Variants in PCDHGA1 observed in about 807,000 individuals in gnomAD.
PCDHGA1 encodes the protein protocadherin gamma-A1.
Under a neutral mutation model 58.0 loss-of-function variants are expected in PCDHGA1, and 32 were observed. The ratio of observed to expected loss-of-function variants is 0.55; its 90% CI spans 0.42 to 0.74. The LOEUF (loss-of-function observed/expected upper bound fraction) is 0.74, where lower values mean the gene tolerates loss of function less well. PCDHGA1 is among the 30% of genes least tolerant of loss of function. The pLI is 0.00. For synonymous variants in PCDHGA1, 498 were observed against 501.1 expected (o/e 0.99, Z 0.08); for missense variants, 1,205 against 1,182.3 (o/e 1.02, Z -0.28).
intron 1 of PCDHGA1, chr5:141,362,697 A>T: frequency 1.9e-6 from 2 of 1,057,626 alleles, no homozygotes; most frequent in South Asian, 3.5e-5. Flanking sequence ...TATCTAACTG[A>T]ATTTTAAGTG....
At chr5:141,404,022 G>C (rs2094476462) in intron 1 of PCDHGA1, 1 of 1,613,754 alleles carries the variant, frequency 6.2e-7, no homozygotes, top group Admixed American at 1.7e-5. Context: ...AGCCCAGTGA[G>C]AGAAGACGCA....
At chr5:141,371,007 C>A in intron 1 of PCDHGA1, 1 of 1,613,962 alleles carries the variant, frequency 6.2e-7, no homozygotes, top group South Asian at 1.1e-5. Flanking sequence ...CAGGGAAGAG[C>A]AGCCACATCA....
intron 1 of PCDHGA1, chr5:141,428,388 C>G (rs1299321513): frequency 4.0e-6 from 2 of 506,160 alleles, no homozygotes; most frequent in Non-Finnish European, 7.3e-6. Context: ...GCTCTTCCAG[C>G]CCCTCTGCCT....
intron 2 of PCDHGA1, among the ~76,000 whole-genome samples, chr5:141,498,976 GGAAGGAAGGAAGGAA>G (rs1562186940): frequency 1.5e-4 from 2 of 13,010 alleles, no homozygotes; most frequent in Admixed American, 2.9e-3. Context: ...AGGGAGGGAA[GGAAGGAAGGAAGGAA>G]GGAAGGAAGG....
At chr5:141,418,344 T>G (rs746519142) in intron 1 of PCDHGA1, 1 of 1,614,008 alleles carries the variant, frequency 6.2e-7, no homozygotes, top group Non-Finnish European at 8.5e-7. Context: ...GATCCTGATA[T>G]TAGTATGAAT....
intron 1 of PCDHGA1, chr5:141,352,565 G>C (rs1190505525): frequency 6.2e-7 from 1 of 1,613,802 alleles, no homozygotes; most frequent in African/African-American, 1.3e-5. Flanking sequence ...CCTGACACCG[G>C]AAATGGCTCC....
chr5:141,348,715 C>G (rs906991034), intron 1 of PCDHGA1, among the ~76,000 whole-genome samples: 1 of 151,984 alleles, frequency 6.6e-6, no homozygotes, highest in Non-Finnish European at 1.5e-5. Flanking sequence ...TCCACTACAA[C>G]AGAAAGGGAG....
chr5:141,374,302 G>A (rs769015747), intron 1 of PCDHGA1: 2 of 1,613,984 alleles, frequency 1.2e-6, no homozygotes, highest in Non-Finnish European at 1.7e-6. Flanking sequence ...GTAGGATGCA[G>A]CTTTTCTCTC....
intron 1 of PCDHGA1, among the ~76,000 whole-genome samples, chr5:141,357,881 C>T (rs1014832669): frequency 1.3e-5 from 2 of 152,144 alleles, no homozygotes; most frequent in African/African-American, 2.4e-5. Flanking sequence ...CTCTGAGCCA[C>T]CTCATTTCCT....
At position 141,351,203 on chromosome 5, in the gene PCDHGA1, G is replaced by A. The variant is rs761755247; in HGVS notation, c.2421+18098G>A. 88 of 1,613,946 alleles carry A rather than the reference G, an allele frequency of 5.5e-5. 1 individual carries two copies. In the Middle Eastern group the frequency reaches 6.6e-3, roughly 121 times the overall value. ...AGAGACAAGTAGATATGTGTTGAGTGTGGAAGCTAAGGATGGAGGAGTACA... is the reference window on the plus strand; with the variant it reads ...AGAGACAAGTAGATATGTGTTGAGTATGGAAGCTAAGGATGGAGGAGTACA... On this transcript the variant is annotated intron_variant, in intron 1 of 3. Coordinates refer to ENST00000517417, the MANE Select transcript of PCDHGA1 (RefSeq NM_018912.3).
At chr5:141,362,330 GCT>G in intron 1 of PCDHGA1, 2 of 1,614,068 alleles carry the variant, frequency 1.2e-6, no homozygotes, top group Non-Finnish European at 1.7e-6. Flanking sequence ...CCTGGTCTCA[GCT>G]CCAAGCCTGG....
At chr5:141,355,062 G>T in intron 1 of PCDHGA1, 1 of 1,307,732 alleles carries the variant, frequency 7.6e-7, no homozygotes, top group Non-Finnish European at 1.0e-6. Flanking sequence ...TGGCTCTGGA[G>T]CTTTATGAAA....
At chr5:141,335,808 T>A (rs1756583656) in intron 1 of PCDHGA1, among the ~76,000 whole-genome samples, 1 of 152,046 alleles carries the variant, frequency 6.6e-6, no homozygotes, top group South Asian at 2.1e-4. Flanking sequence ...CATTTAAAAA[T>A]AGAAAAGGGA....
At chr5:141,415,002 C>T in intron 1 of PCDHGA1, 2 of 1,613,668 alleles carry the variant, frequency 1.2e-6, no homozygotes, top group East Asian at 2.2e-5. Flanking sequence ...CCTGGCTGTC[C>T]TACCGTCTGC....
rs555862315 is a variant in PCDHGA1 at position 141,340,347 on chromosome 5, C to T, written c.2421+7242C>T. ...GCCTTCTCCCGCACATCCTACTCCA[C>T]CTACATTCCCGAAAACAACCCCAGA... On this transcript the variant is annotated intron_variant, in intron 1 of 3. Transcript: ENST00000517417. 24 of 1,614,108 alleles carry T rather than the reference C, an allele frequency of 1.5e-5. No homozygotes were observed. The South Asian group carries it at 2.4e-4, about 16-fold the overall frequency.
chr5:141,458,171 A>G (rs548935841), intron 1 of PCDHGA1, among the ~76,000 whole-genome samples: 74 of 152,336 alleles, frequency 4.9e-4, no homozygotes, highest in African/African-American at 1.6e-3. Flanking sequence ...TCACAGTAGT[A>G]TACCTTACTT....
chr5:141,375,028 T>C, intron 1 of PCDHGA1: 1 of 1,614,042 alleles, frequency 6.2e-7, no homozygotes, highest in Non-Finnish European at 8.5e-7. Flanking sequence ...CGAGTTTTTA[T>C]GAGCTGGGTG....
rs528541640 is a variant in PCDHGA1 at position 141,340,366 on chromosome 5, C to A, written c.2421+7261C>A. ...ACTCCACCTACATTCCCGAAAACAA[C>A]CCCAGAGGAGCCTCTGTCTTCTCAG... On this transcript the variant is annotated intron_variant, in intron 1 of 3. Transcript: ENST00000517417. The A allele has an allele frequency of 1.2e-5, 19 of 1,614,184 alleles. No individual in the cohort carries two copies. In the South Asian group the frequency reaches 1.8e-4, roughly 15 times the overall value.
At chr5:141,361,397 C>T in intron 1 of PCDHGA1, 1 of 1,614,008 alleles carries the variant, frequency 6.2e-7, no homozygotes, top group Non-Finnish European at 8.5e-7. Flanking sequence ...TACAATCTCA[C>T]CATCACAGCC....
Sources: allele counts gnomAD v4.1 joint callset (sites outside exome capture counted in the v4.1 genomes callset), GRCh38; gene constraint gnomAD v4.1.1; transcripts MANE v1.5; gene names NCBI Gene and HGNC (gene_info 2026-07-23, HGNC 2026-07-21).